CEP85L: variants seen among roughly 807,000 people sequenced by gnomAD.
CEP85L encodes centrosomal protein 85L.
Under a neutral mutation model 100.3 loss-of-function variants are expected in CEP85L, and 60 were observed. That is an observed-to-expected ratio of 0.60 (90% CI 0.49 to 0.74). The LOEUF (loss-of-function observed/expected upper bound fraction) is 0.74, where lower values mean the gene tolerates loss of function less well. CEP85L is among the 30% of genes least tolerant of loss of function. CEP85L has a pLI of 0.00. For synonymous variants in CEP85L, 319 were observed against 322.7 expected, an observed-to-expected ratio of 0.99 and a Z score of 0.12; for missense variants, 973 against 936.2, an observed-to-expected ratio of 1.04 and a Z score of -0.51.
At chr6:118,520,491 A>C (rs1195998126) in intron 4 of CEP85L, among the ~76,000 whole-genome samples, 1 of 152,238 alleles carries the variant, frequency 6.6e-6, no homozygotes, top group Non-Finnish European at 1.5e-5. Context: ...TAGTGATTAA[A>C]TTAGAGCAAT....
At chr6:118,700,778 A>G (rs1456913048) in intron 1 of CEP85L, among the ~76,000 whole-genome samples, 2 of 152,204 alleles carry the variant, frequency 1.3e-5, no homozygotes, top group Non-Finnish European at 2.9e-5. Flanking sequence ...CAGTAACAGC[A>G]TCATCAGACA....
chr6:118,478,157 A>T (rs1424963785), intron 10 of CEP85L, among the ~76,000 whole-genome samples: 1 of 152,092 alleles, frequency 6.6e-6, no homozygotes, highest in Non-Finnish European at 1.5e-5. Flanking sequence ...TTCAACCCAA[A>T]GTGTTCTTTT....
chr6:118,568,171 G>A (rs762669755), intron 2 of CEP85L, among the ~76,000 whole-genome samples: 26 of 152,174 alleles, frequency 1.7e-4, no homozygotes, highest in East Asian at 7.7e-4. Flanking sequence ...AGTGACAGAC[G>A]TGGCCCCGTA....
chr6:118,580,343 G>T (rs957495619), intron 2 of CEP85L, among the ~76,000 whole-genome samples: 1 of 152,178 alleles, frequency 6.6e-6, no homozygotes, highest in African/African-American at 2.4e-5. Context: ...TGGTGCACTG[G>T]CCGGGAATCC....
chr6:118,559,413 G>A, intron 3 of CEP85L: 1 of 341,364 alleles, frequency 2.9e-6, no homozygotes, highest in East Asian at 7.6e-5. Context: ...CTGCCAACAA[G>A]TTCACTTCAT....
rs1300402302 is a variant in CEP85L at position 118,464,564 on chromosome 6, T to C, written c.*841A>G. 1 of 151,974 alleles carries C rather than the reference T, an allele frequency of 6.6e-6. No homozygotes were observed. The highest frequency in any genetic ancestry group is 6.6e-5 in the Admixed American group (1 of 15,228). 9.4% of individuals were successfully genotyped at this position (151,974 alleles called of 1,614,324 possible). A position where few individuals can be genotyped will look rare whatever the true frequency, so the allele number is the denominator to read the frequency against. On this transcript the variant is annotated 3_prime_UTR_variant, in exon 13 of 13. Transcript: ENST00000368491. ...AATAATGATCCAATGCCTTTATTAA[T>C]TATATATGGCTTTGTTTACATTTAT...
chr6:118,599,704 T>C (rs1208892204), intron 2 of CEP85L, among the ~76,000 whole-genome samples: 1 of 150,928 alleles, frequency 6.6e-6, no homozygotes, highest in Non-Finnish European at 1.5e-5. Flanking sequence ...ATATCACTAA[T>C]GATGTCGAAT....
intron 2 of CEP85L, among the ~76,000 whole-genome samples, chr6:118,572,935 G>T (rs545512173): frequency 9.1e-4 from 138 of 152,066 alleles, no homozygotes; most frequent in African/African-American, 3.3e-3. Context: ...AGTGGTGCAC[G>T]CCTCTAATAC....
At chr6:118,624,141 T>G (rs550387577) in intron 2 of CEP85L, among the ~76,000 whole-genome samples, 1 of 152,272 alleles carries the variant, frequency 6.6e-6, no homozygotes, top group South Asian at 2.1e-4. Context: ...CATCCCAGGC[T>G]AAAAAGACTC....
rs557765654 is a variant in CEP85L at position 118,615,854 on chromosome 6, C to G, written c.232+16599G>C. Among the ~76,000 whole-genome samples, 15 of 152,330 alleles carry G rather than the reference C, an allele frequency of 9.8e-5. No individual in the cohort carries two copies. The East Asian group carries it at 2.9e-3, about 29-fold the overall frequency. On this transcript the variant is annotated intron_variant, in intron 2 of 12. Coordinates refer to ENST00000368491, the MANE Select transcript of CEP85L (RefSeq NM_001042475.3). Reference sequence around the variant, plus strand: ...ACTGCTAGAAGAAACAAACTGTGCACATGACTTCGCAGTGATAGAACGACT... The same window carrying G: ...ACTGCTAGAAGAAACAAACTGTGCAGATGACTTCGCAGTGATAGAACGACT...
chr6:118,547,570 TA>T (rs1778280088), intron 3 of CEP85L, among the ~76,000 whole-genome samples: 2 of 152,106 alleles, frequency 1.3e-5, no homozygotes, highest in Admixed American at 1.3e-4. Context: ...CAATTGTTTT[TA>T]AAAAATCTTA....
At chr6:118,671,923 C>G (rs185536313) in intron 1 of CEP85L, among the ~76,000 whole-genome samples, 19 of 152,164 alleles carry the variant, frequency 1.2e-4, no homozygotes, top group Admixed American at 1.2e-3. Flanking sequence ...GGCGAAAGAG[C>G]GAGACTCTAT....
In CEP85L at chr6:118,596,530, A is replaced by G. The variant is rs141459539; in HGVS notation, c.233-30214T>C. Among the ~76,000 whole-genome samples the G allele has an allele frequency of 4.9e-4, 75 of 152,324 alleles. No homozygotes were observed. The Middle Eastern group carries it at 0.014, about 28-fold the overall frequency. ...TGAAAACTTCAGAAAGACATGAATT[A>G]AGGAAGGAAAGCACACACTAATTGG... On this transcript the variant is annotated intron_variant, in intron 2 of 12. Coordinates refer to ENST00000368491, the MANE Select transcript of CEP85L (RefSeq NM_001042475.3).
chr6:118,612,855 G>T (rs1173364574), intron 2 of CEP85L, among the ~76,000 whole-genome samples: 2 of 152,206 alleles, frequency 1.3e-5, no homozygotes, highest in East Asian at 3.9e-4. Context: ...ATGGTTCTTT[G>T]TAGAGATCAG....
chr6:118,565,474 T>A (rs747575619), intron 3 of CEP85L, 55 bp downstream of exon 3: 23 of 1,497,050 alleles, frequency 1.5e-5, no homozygotes, highest in Non-Finnish European at 2.1e-5. Flanking sequence ...GTAAGTGTGC[T>A]ACTGTACTCA....
At chr6:118,567,803 C>T (rs1455728115) in intron 2 of CEP85L, among the ~76,000 whole-genome samples, 1 of 152,102 alleles carries the variant, frequency 6.6e-6, no homozygotes, top group Non-Finnish European at 1.5e-5. Flanking sequence ...AATAAAATTC[C>T]AGTGGGTCTT....
chr6:118,708,096 C>T (rs543266890), intron 1 of CEP85L, among the ~76,000 whole-genome samples: 4 of 152,242 alleles, frequency 2.6e-5, no homozygotes, highest in South Asian at 2.1e-4. Context: ...GCCAAAAGGT[C>T]GGAATATATA....
rs997912448 is a variant in CEP85L at position 118,463,560 on chromosome 6, C to G, written c.*1845G>C. 6.6e-6 allele frequency: 1 copy of G among 152,022 alleles called. No homozygotes were observed. Among genetic ancestry groups the G allele is most frequent in the Non-Finnish European group, 1.5e-5 (1 of 67,950 alleles). 9.4% of individuals were successfully genotyped at this position (152,022 alleles called of 1,614,324 possible). A position where few individuals can be genotyped will look rare whatever the true frequency, so the allele number is the denominator to read the frequency against. On this transcript the variant is annotated 3_prime_UTR_variant, in exon 13 of 13. Transcript: ENST00000368491. ...AAATTTACTATACCCTGATTATCGT[C>G]AAGCTACTAATGTTAAAAACCAAGT...
chr6:118,672,274 G>C (rs1444421532), intron 1 of CEP85L, among the ~76,000 whole-genome samples: 1 of 152,148 alleles, frequency 6.6e-6, no homozygotes, highest in African/African-American at 2.4e-5. Context: ...CTGGCCTCAA[G>C]TGATCTGCCC....
Sources: gnomAD v4.1 joint callset for allele counts (sites outside exome capture counted in the v4.1 genomes callset) on GRCh38, gnomAD v4.1.1 for gene constraint, MANE v1.5 for transcripts, NCBI Gene and HGNC (gene_info 2026-07-23, HGNC 2026-07-21) for gene names.